Variants in NRG2 observed in about 807,000 individuals in gnomAD.
NRG2 encodes pro-neuregulin-2, membrane-bound isoform.
Under a neutral mutation model 73.9 loss-of-function variants are expected in NRG2, and 27 were observed. The observed-to-expected ratio is 0.37, with a 90% CI of 0.27 to 0.50. The LOEUF (loss-of-function observed/expected upper bound fraction) is 0.50, where lower values mean the gene tolerates loss of function less well. NRG2 is among the 20% of genes least tolerant of loss of function. The probability of loss-of-function intolerance (pLI) is 0.96; values close to 1 mark genes in which losing one functional copy is unlikely to be tolerated. For missense variants in NRG2, 1,126 were observed against 1,210.1 expected (o/e 0.93, Z 1.03); for synonymous variants, 532 against 541.0 (o/e 0.98, Z 0.23).
chr5:139,904,335 C>T lies in NRG2; in HGVS notation c.701-16824G>A. On this transcript the variant is annotated intron_variant, in intron 1 of 9. Transcript: ENST00000361474. The surrounding 1 kb of genome is among the most constrained non-coding windows in gnomAD (Gnocchi z 6.0). ...TCTCCCCGGGATCGGGCTCCCTCTCCCGCTTCCTCCCCTCTGGGTGCTTCT... is the reference window on the plus strand; with the variant it reads ...TCTCCCCGGGATCGGGCTCCCTCTCTCGCTTCCTCCCCTCTGGGTGCTTCT... 1.3e-6 allele frequency: 2 copies of T among 1,592,808 alleles called. No individual in the cohort carries two copies. The highest frequency in any genetic ancestry group is 1.7e-6 in the Non-Finnish European group (2 of 1,177,692).
At chr5:139,925,773 G>A (rs1752009938) in intron 1 of NRG2, among the ~76,000 whole-genome samples, 1 of 152,200 alleles carries the variant, frequency 6.6e-6, no homozygotes, top group Non-Finnish European at 1.5e-5. Context: ...AGGTCTGGTA[G>A]AGGACCCCTG....
chr5:139,876,490 A>G (rs1293336247), intron 3 of NRG2, among the ~76,000 whole-genome samples: 1 of 152,184 alleles, frequency 6.6e-6, no homozygotes, highest in African/African-American at 2.4e-5. Flanking sequence ...TATAAATTAT[A>G]TCTCAAAAAT....
chr5:140,036,299 T>C (rs1761500717), intron 1 of NRG2, among the ~76,000 whole-genome samples: 1 of 152,212 alleles, frequency 6.6e-6, no homozygotes, highest in African/African-American at 2.4e-5. Context: ...TTAATCACAC[T>C]CCATAAGTGC....
intron 1 of NRG2, among the ~76,000 whole-genome samples, chr5:139,993,021 C>G (rs1053977365): frequency 2.6e-5 from 4 of 151,494 alleles, no homozygotes; most frequent in African/African-American, 9.7e-5. Flanking sequence ...GTAAAGACAC[C>G]AGATTATTTG....
chr5:139,890,135 A>G (rs1299712125), intron 1 of NRG2, among the ~76,000 whole-genome samples: 1 of 152,108 alleles, frequency 6.6e-6, no homozygotes, highest in East Asian at 1.9e-4. Context: ...ACACTCACCA[A>G]CACGAGGTAT....
At chr5:140,018,518 G>C (rs1351034266) in intron 1 of NRG2, among the ~76,000 whole-genome samples, 1 of 152,134 alleles carries the variant, frequency 6.6e-6, no homozygotes, top group Non-Finnish European at 1.5e-5. Context: ...TCATTGCCCA[G>C]CCACCTAACT....
chr5:139,894,101 G>A lies in NRG2; in HGVS notation c.701-6590C>T, dbSNP rs1047216523. Among the ~76,000 whole-genome samples the A allele has an allele frequency of 3.9e-5, 6 of 152,356 alleles. No homozygotes were observed. In the East Asian group the frequency reaches 5.8e-4, roughly 15 times the overall value. On this transcript the variant is annotated intron_variant, in intron 1 of 9. Coordinates refer to ENST00000361474, the MANE Select transcript of NRG2 (RefSeq NM_004883.3). The surrounding 1 kb of genome is among the most constrained non-coding windows in gnomAD (Gnocchi z 5.0). ...CCAGCAGCTTAACCTCATTCCTCTC[G>A]GCAGTGGGCGGTGGGTGCGGAGCCT... is the stretch of plus-strand genomic sequence containing the variant.
chr5:140,001,477 GATAAATATATAGCCCAATT>G (rs1324332760), intron 1 of NRG2, among the ~76,000 whole-genome samples: 2 of 152,042 alleles, frequency 1.3e-5, no homozygotes, highest in African/African-American at 4.8e-5. Flanking sequence ...GGAAGCAATT[GATAAATATATAGCCCAATT>G]ATAAAAGCAG....
chr5:139,989,795 T>A (rs1192479134), intron 1 of NRG2, among the ~76,000 whole-genome samples: 4 of 150,382 alleles, frequency 2.7e-5, no homozygotes, highest in African/African-American at 9.7e-5. Context: ...ATTTTATTTT[T>A]TTATTTTTTT....
intron 1 of NRG2, among the ~76,000 whole-genome samples, chr5:139,987,675 G>A (rs1239357722): frequency 6.6e-6 from 1 of 152,026 alleles, no homozygotes. Flanking sequence ...CTAAAGTGGT[G>A]CCATCTTTCA....
intron 1 of NRG2, among the ~76,000 whole-genome samples, chr5:139,906,920 C>T (rs935466632): frequency 6.6e-6 from 1 of 152,146 alleles, no homozygotes; most frequent in African/African-American, 2.4e-5. Context: ...GAAGTATCAG[C>T]ACATCCAATA....
intron 5 of NRG2, among the ~76,000 whole-genome samples, chr5:139,860,365 G>A (rs1323582593): frequency 6.6e-6 from 1 of 151,540 alleles, no homozygotes; most frequent in Non-Finnish European, 1.5e-5. Flanking sequence ...CCTCATTGGG[G>A]GCCCAATTTT....
Position 139,865,006 on chromosome 5 carries a change from A to G in NRG2, c.1189+543T>C, listed in dbSNP as rs376428553. 48 of 939,114 alleles carry G rather than the reference A, an allele frequency of 5.1e-5. No individual in the cohort carries two copies. The African/African-American group carries it at 6.8e-4, about 13-fold the overall frequency. The allele number at this position is 939,114 out of a possible 1,614,324, so 58.2% of individuals were successfully genotyped here. On this transcript the variant is annotated intron_variant, in intron 5 of 9. Coordinates refer to ENST00000361474, the MANE Select transcript of NRG2 (RefSeq NM_004883.3). The surrounding 1 kb of genome is among the most constrained non-coding windows in gnomAD (Gnocchi z 5.2). ...TGTTTCCGTCTCCTCTAAGGAGCGCAGGACACCCTCTACATCTCCCCCTAG... is the reference window on the plus strand; with the variant it reads ...TGTTTCCGTCTCCTCTAAGGAGCGCGGGACACCCTCTACATCTCCCCCTAG...
At chr5:139,875,616 G>A (rs747280693) in intron 3 of NRG2, among the ~76,000 whole-genome samples, 2 of 152,086 alleles carry the variant, frequency 1.3e-5, no homozygotes, top group Non-Finnish European at 2.9e-5. Context: ...GGTCATTAGG[G>A]GAATGAAAAT....
Position 139,851,325 on chromosome 5 carries a change from A to G in NRG2, c.1772+279T>C, listed in dbSNP as rs1761401533. On this transcript the variant is annotated intron_variant, in intron 9 of 9. Transcript: ENST00000361474. The surrounding 1 kb of genome is among the most constrained non-coding windows in gnomAD (Gnocchi z 4.2). ...TGATGTTCCAGTGTAACTATTAATA[A>G]TGTCCTTTTTCTAGTGTGAAAAGTG... Among the ~76,000 whole-genome samples the G allele has an allele frequency of 6.6e-6, 1 of 152,132 alleles. No homozygotes were observed. The highest frequency in any genetic ancestry group is 2.1e-4 in the South Asian group (1 of 4,826).
At chr5:139,946,096 T>C (rs944152640) in intron 1 of NRG2, among the ~76,000 whole-genome samples, 9 of 152,050 alleles carry the variant, frequency 5.9e-5, no homozygotes, top group Non-Finnish European at 1.2e-4. Context: ...TTGCTTTTTT[T>C]GCAAAAATTG....
Position 139,870,371 on chromosome 5 carries a change from G to A in NRG2, c.1112+1350C>T, listed in dbSNP as rs562905136. On this transcript the variant is annotated intron_variant, in intron 4 of 9. Coordinates refer to ENST00000361474, the MANE Select transcript of NRG2 (RefSeq NM_004883.3). The surrounding 1 kb of genome is among the most constrained non-coding windows in gnomAD (Gnocchi z 4.4). ...GGCAGCAGGGGCAGGGTGGGGCCAG[G>A]GAGGAAGCCAGCTGAGGAGGCCAGC... Among the ~76,000 whole-genome samples, 1 of 152,294 alleles carries A rather than the reference G, an allele frequency of 6.6e-6. No homozygotes were observed. Among genetic ancestry groups the A allele is most frequent in the African/African-American group, 2.4e-5 (1 of 41,544 alleles).
chr5:140,004,469 A>C (rs1388751250), intron 1 of NRG2, among the ~76,000 whole-genome samples: 1 of 152,234 alleles, frequency 6.6e-6, no homozygotes, highest in African/African-American at 2.4e-5. Flanking sequence ...TACAGTGGAG[A>C]AATTCAGCAG....
chr5:139,866,123 A>G (rs1023518749), intron 4 of NRG2, among the ~76,000 whole-genome samples: 1 of 152,228 alleles, frequency 6.6e-6, no homozygotes, highest in Non-Finnish European at 1.5e-5. Context: ...GGAAACTCAG[A>G]TAACTCGGGA....
Sources: gnomAD v4.1 joint callset for allele counts (sites outside exome capture counted in the v4.1 genomes callset) on GRCh38, gnomAD v4.1.1 for gene constraint, Gnocchi (gnomAD v3.1) non-coding constraint, MANE v1.5 for transcripts, NCBI Gene and HGNC (gene_info 2026-07-23, HGNC 2026-07-21) for gene names.